The following PRAMEF13 variants were observed in gnomAD, a reference collection of about 807,000 sequenced individuals.
PRAMEF13 encodes the protein PRAME family member 13, also known as PRAME family member-like.
A neutral mutation model predicts 13.2 loss-of-function variants in PRAMEF13; 2 were observed. That is an observed-to-expected ratio of 0.15 (90% CI 0.06 to 0.48). The LOEUF (loss-of-function observed/expected upper bound fraction) is 0.48, where lower values mean the gene tolerates loss of function less well. Among genes scored for constraint, PRAMEF13 ranks in the 20% least tolerant of loss-of-function variants. The pLI, the probability that PRAMEF13 is intolerant of heterozygous loss-of-function variation, is 0.97. For synonymous variants in PRAMEF13, 23 were observed against 108.5 expected, an observed-to-expected ratio of 0.21 and a Z score of 4.90; for missense variants, 52 against 276.4, an observed-to-expected ratio of 0.19 and a Z score of 5.76.
chr1:13,200,929 C>G (rs1219600366), intron 1 of PRAMEF13: 1 of 58,164 alleles, frequency 1.7e-5, no homozygotes, highest in Non-Finnish European at 4.4e-5. Context: ...CTGAGCAAAA[C>G]TGCACTCTTG....
chr1:13,198,391 T>C lies in PRAMEF13; in HGVS notation c.803A>G (p.His268Arg). The change falls in exon 3 of 4, where the codon CAC becomes CGC. Residue 268 changes from histidine (H) to arginine (R), a missense_variant. Coordinates refer to ENST00000625019, the MANE Select transcript of PRAMEF13 (RefSeq NM_001291380.1). ...CAATTTTATTTTAAGCAACTGGAGG[T>C]GTTCCAGCCCGAGGAACACAGAGCT... ...KFSSVFLGLE[H>R]LQLLKIKLIT... 1 of 597,386 alleles carries C rather than the reference T, an allele frequency of 1.7e-6. No homozygotes were observed. The highest frequency in any genetic ancestry group is 3.0e-5 in the East Asian group (1 of 33,008). The allele number at this position is 597,386 out of a possible 1,614,324, so 37.0% of individuals were successfully genotyped here.
At position 13,198,867 on chromosome 1, in the gene PRAMEF13, G is replaced by A. The variant is rs1177154428; in HGVS notation, c.327C>T (p.Asp109=). The change falls in exon 3 of 4, where the codon GAC becomes GAT. Residue 109 remains aspartate (D), a synonymous_variant. Transcript: ENST00000625019. The part of the protein sequence containing the change: ...KLQVLDLRDV[D]ENFWARWPGA... Reference sequence around the variant, plus strand: ...CAGGCCATCTGGCCCAGAAATTCTCGTCAACATCCCGCAAATCCAGCACTT... The same window carrying A: ...CAGGCCATCTGGCCCAGAAATTCTCATCAACATCCCGCAAATCCAGCACTT... The A allele has an allele frequency of 4.2e-5, 29 of 682,898 alleles. 10 individuals are homozygous for A. The East Asian group carries it at 5.0e-4, about 12-fold the overall frequency. The allele number at this position is 682,898 out of a possible 1,614,324, so 42.3% of individuals were successfully genotyped here.
At position 13,199,464 on chromosome 1, in the gene PRAMEF13, C is replaced by T; in HGVS notation, c.126G>A (p.Glu42=). ...TCTGGAAGTGTCTCCTGCGGAAGGCCTCCATGAAGAGTGGGAGATAGAGCA... is the reference window on the plus strand; with the variant it reads ...TCTGGAAGTGTCTCCTGCGGAAGGCTTCCATGAAGAGTGGGAGATAGAGCA... ...PRVLYLPLFM[E]AFRRRHFQTL... is the part of the protein sequence containing the mutation. Residue 42 remains glutamate (E), a synonymous_variant, in exon 2 of 4, where the codon GAG becomes GAA. Transcript: ENST00000625019. The T allele has an allele frequency of 1.0e-6, 1 of 970,066 alleles. No individual in the cohort carries two copies. Among genetic ancestry groups the T allele is most frequent in the Non-Finnish European group, 1.5e-6 (1 of 683,978 alleles). 60.1% of individuals were successfully genotyped at this position (970,066 alleles called of 1,614,324 possible). A position where few individuals can be genotyped will look rare whatever the true frequency, so the allele number is the denominator to read the frequency against.
Position 13,200,513 on chromosome 1 carries a change from T to C in PRAMEF13, c.-26+819A>G, listed in dbSNP as rs1489109211. ...AAATGCTAACTGTACCTGGGCGCGG[T>C]GGCTCACTCCTGTAATCCCAGCACT... On this transcript the variant is annotated intron_variant, in intron 1 of 3. Coordinates refer to ENST00000625019, the MANE Select transcript of PRAMEF13 (RefSeq NM_001291380.1). The C allele has an allele frequency of 3.4e-5, 2 of 58,274 alleles. 1 individual carries two copies. Among genetic ancestry groups the C allele is most frequent in the Non-Finnish European group, 9.2e-5 (2 of 21,712 alleles). 3.6% of individuals were successfully genotyped at this position (58,274 alleles called of 1,614,324 possible).
In PRAMEF13 at chr1:13,198,880, A is replaced by T. The variant is rs1638663814; in HGVS notation, c.314T>A (p.Leu105Ter). The T allele has an allele frequency of 5.9e-6, 4 of 678,588 alleles. 2 individuals carry two copies. Among genetic ancestry groups the T allele is most frequent in the East Asian group, 7.1e-5 (2 of 28,040 alleles). 42.0% of individuals were successfully genotyped at this position (678,588 alleles called of 1,614,324 possible). A position where few individuals can be genotyped will look rare whatever the true frequency, so the allele number is the denominator to read the frequency against. The change falls in exon 3 of 4, where the codon TTG becomes TAG. Residue 105 changes from leucine to a stop codon, truncating the protein, a stop_gained. Transcript: ENST00000625019. LOFTEE classifies it high-confidence loss of function. Reference sequence around the variant, plus strand: ...CCAGAAATTCTCGTCAACATCCCGCAAATCCAGCACTTGAAGTTTCCGCCT... The same window carrying T: ...CCAGAAATTCTCGTCAACATCCCGCTAATCCAGCACTTGAAGTTTCCGCCT... ...PRRRKLQVLD[L>*]RDVDENFWAR...
chr1:13,199,853 T>C, intron 1 of PRAMEF13: 1 of 155,036 alleles, frequency 6.5e-6, no homozygotes, highest in Non-Finnish European at 1.3e-5. Flanking sequence ...CTTACCAACC[T>C]AAAGCAATGA....
rs1447392758 is a variant in PRAMEF13 at position 13,196,898 on chromosome 1, G to A, written c.1350C>T (p.Ile450=). ...TLREVRQPKR[I]FIGPTPCPSC... ...AAGGGCAGGGGGTGGGACCAATGAA[G>A]ATCCTCTTGGGCTGCCTGACTTCCC... The change falls in exon 4 of 4, where the codon ATC becomes ATT. Residue 450 remains isoleucine (I), a synonymous_variant. Transcript: ENST00000625019. 5.2e-6 allele frequency: 3 copies of A among 582,012 alleles called. No homozygotes were observed. The highest frequency in any genetic ancestry group is 6.9e-5 in the Admixed American group (1 of 14,492). The allele number at this position is 582,012 out of a possible 1,614,324, so 36.1% of individuals were successfully genotyped here. A position where few individuals can be genotyped will look rare whatever the true frequency, so the allele number is the denominator to read the frequency against.
At chr1:13,199,058 T>C in intron 2 of PRAMEF13, 152 bp from the exon 3 acceptor site, 1 of 305,768 alleles carries the variant, frequency 3.3e-6, no homozygotes, top group Non-Finnish European at 5.9e-6. Flanking sequence ...GGATTCTGAG[T>C]GGTCCCCACT....
At position 13,198,585 on chromosome 1, in the gene PRAMEF13, G is replaced by A; in HGVS notation, c.609C>T (p.Tyr203=). The A allele has an allele frequency of 2.7e-6, 3 of 1,104,364 alleles. No homozygotes were observed. Among genetic ancestry groups the A allele is most frequent in the Non-Finnish European group, 3.8e-6 (3 of 780,026 alleles). The allele number at this position is 1,104,364 out of a possible 1,614,324, so 68.4% of individuals were successfully genotyped here. Residue 203 remains tyrosine (Y), a synonymous_variant, in exon 3 of 4, where the codon TAC becomes TAT. Coordinates refer to ENST00000625019, the MANE Select transcript of PRAMEF13 (RefSeq NM_001291380.1). ...TTTCCAGCTCTTGAATACTATTCAG[G>A]TATATTATTTTCAATGACTTTCTGA... ...KHLRKSLKII[Y]LNSIQELEIH...
rs1187720908 is a variant in PRAMEF13, at chr1:13,198,855, C to T, written c.339G>A (p.Trp113Ter). ...LDLRDVDENF[W>*]ARWPGAWALS... ...GGGCCCAGGCTCCAGGCCATCTGGC[C>T]CAGAAATTCTCGTCAACATCCCGCA... is the stretch of plus-strand genomic sequence containing the variant. The change falls in exon 3 of 4, where the codon TGG (tryptophan) becomes TGA (stop). Residue 113 changes from tryptophan to a stop codon, truncating the protein, a stop_gained. Transcript: ENST00000625019. LOFTEE classifies it high-confidence loss of function. 26 of 683,774 alleles carry T rather than the reference C, an allele frequency of 3.8e-5. 8 individuals carry two copies. In the East Asian group the frequency reaches 6.4e-4, roughly 17 times the overall value. 42.4% of individuals were successfully genotyped at this position (683,774 alleles called of 1,614,324 possible). A position where few individuals can be genotyped will look rare whatever the true frequency, so the allele number is the denominator to read the frequency against.
chr1:13,200,183 C>G (rs1638674589), intron 1 of PRAMEF13: 1 of 78,470 alleles, frequency 1.3e-5, no homozygotes, highest in African/African-American at 3.1e-5. Context: ...AAGATCTCAC[C>G]ACTGCTCTCC....
At position 13,198,491 on chromosome 1, in the gene PRAMEF13, C is replaced by G. The variant is rs1410319682; in HGVS notation, c.703G>C (p.Gly235Arg). The G allele has an allele frequency of 0.098, 84,192 of 862,414 alleles. 20,687 individuals carry two copies. The highest frequency in any genetic ancestry group is 0.4 in the African/African-American group (20,341 of 50,582). 53.4% of individuals were successfully genotyped at this position (862,414 alleles called of 1,614,324 possible). A position where few individuals can be genotyped will look rare whatever the true frequency, so the allele number is the denominator to read the frequency against. The change falls in exon 3 of 4, where the codon GGC (glycine) becomes CGC (arginine). Residue 235 changes from glycine (G) to arginine (R), a missense_variant. Coordinates refer to ENST00000625019, the MANE Select transcript of PRAMEF13 (RefSeq NM_001291380.1). ...TGGCACCTGGAGAAAACGAGTTTGC[C>G]AAGAGTCTTCATCTCCTTCAGGTAA... Reference protein sequence around the residue: ...RCYLKEMKTLGKLVFSRCHHS... With the variant: ...RCYLKEMKTLRKLVFSRCHHS...
chr1:13,198,543 C>A lies in PRAMEF13; in HGVS notation c.651G>T (p.Trp217Cys), dbSNP rs1638660924. 3 of 1,065,334 alleles carry A rather than the reference C, an allele frequency of 2.8e-6. No homozygotes were observed. Among genetic ancestry groups the A allele is most frequent in the Admixed American group, 5.4e-5 (2 of 36,746 alleles). 66.0% of individuals were successfully genotyped at this position (1,065,334 alleles called of 1,614,324 possible). A position where few individuals can be genotyped will look rare whatever the true frequency, so the allele number is the denominator to read the frequency against. The change falls in exon 3 of 4, where the codon TGG (tryptophan) becomes TGT (cysteine). Residue 217 changes from tryptophan to cysteine, a missense_variant. By Grantham distance (215) the Trp-to-Cys change is radical (BLOSUM62 -2). Transcript: ENST00000625019. ...IQELEIHNMS[W>C]PRLIRKLRCY... ...AACGAAGCTTTCTTATCAGACGTGG[C>A]CAGGACATGTTGTGAATTTCCAGCT...
At chr1:13,197,625 T>G in intron 3 of PRAMEF13, 2 of 126,340 alleles carry the variant, frequency 1.6e-5, no homozygotes, top group Non-Finnish European at 3.2e-5. Flanking sequence ...AAGCCTTTTT[T>G]TTTTTTCATC....
rs1638659918 is a variant in PRAMEF13 at position 13,198,471 on chromosome 1, C to T, written c.723G>A (p.Arg241=). The change falls in exon 3 of 4, where the codon AGG becomes AGA. Residue 241 remains arginine (R), a synonymous_variant. Transcript: ENST00000625019. ...MKTLGKLVFS[R]CHHSTSDNEL... Reference sequence around the variant, plus strand: ...CATTATCTGACGTGGAATGATGGCACCTGGAGAAAACGAGTTTGCCAAGAG... The same window carrying T: ...CATTATCTGACGTGGAATGATGGCATCTGGAGAAAACGAGTTTGCCAAGAG... The T allele has an allele frequency of 4.5e-6, 4 of 879,884 alleles. 1 individual carries two copies. The South Asian group carries it at 5.8e-5, about 13-fold the overall frequency. The allele number at this position is 879,884 out of a possible 1,614,324, so 54.5% of individuals were successfully genotyped here.
Position 13,198,877 on chromosome 1 carries a change from C to G in PRAMEF13, c.317G>C (p.Arg106Pro), listed in dbSNP as rs1638663756. Reference protein sequence around the residue: ...RRRKLQVLDLRDVDENFWARW... With the variant: ...RRRKLQVLDLPDVDENFWARW... ...GGCCCAGAAATTCTCGTCAACATCC[C>G]GCAAATCCAGCACTTGAAGTTTCCG... Residue 106 changes from arginine to proline, a missense_variant, in exon 3 of 4, where the codon CGG becomes CCG. Physicochemically the swap from Arg to Pro is moderately radical, Grantham distance 103. Coordinates refer to ENST00000625019, the MANE Select transcript of PRAMEF13 (RefSeq NM_001291380.1). The G allele has an allele frequency of 2.9e-6, 2 of 680,088 alleles. 1 individual carries two copies. The highest frequency in any genetic ancestry group is 3.7e-5 in the African/African-American group (2 of 53,416). 42.1% of individuals were successfully genotyped at this position (680,088 alleles called of 1,614,324 possible).
At chr1:13,201,105 TA>T in intron 1 of PRAMEF13, 1 of 62,028 alleles carries the variant, frequency 1.6e-5, no homozygotes, top group East Asian at 3.1e-4. Flanking sequence ...AATATATTTT[TA>T]AAAAACCTGC....
rs1638662135 is a variant in PRAMEF13, at chr1:13,198,662, C to T, written c.532G>A (p.Val178Ile). 9.6e-7 allele frequency: 1 copy of T among 1,040,082 alleles called. No individual in the cohort carries two copies. Among genetic ancestry groups the T allele is most frequent in the African/African-American group, 1.5e-5 (1 of 65,594 alleles). The allele number at this position is 1,040,082 out of a possible 1,614,324, so 64.4% of individuals were successfully genotyped here. A position where few individuals can be genotyped will look rare whatever the true frequency, so the allele number is the denominator to read the frequency against. ...ACCAGCTTACTACAGCACAGGTGTA[C>T]TAAACCTCTCCTTTGGTAAACCCAC... The part of the protein sequence containing the change: ...FQWVYQRRGL[V>I]HLCCSKLVNY... Residue 178 changes from valine (V) to isoleucine (I), a missense_variant, in exon 3 of 4, where the codon GTA becomes ATA. Val to Ile is a conservative substitution (Grantham distance 29). Transcript: ENST00000625019.
Sources: gnomAD v4.1 joint callset for allele counts on GRCh38, gnomAD v4.1.1 for gene constraint, MANE v1.5 for transcripts, NCBI Gene and HGNC (gene_info 2026-07-23, HGNC 2026-07-21) for gene names.